Variants in TNS3 observed in about 807,000 individuals in gnomAD.
TNS3 encodes tensin-3.
A neutral mutation model predicts 140.9 loss-of-function variants in TNS3; 45 were observed. That is an observed-to-expected ratio of 0.32 (90% CI 0.25 to 0.41). The LOEUF is 0.41. Ranked by LOEUF, TNS3 falls within the 10% of genes least tolerant of loss-of-function variation. TNS3 has a pLI of 1.00. For synonymous variants in TNS3, 815 were observed against 788.4 expected (o/e 1.03, Z -0.56); for missense variants, 1,716 against 1,906.7 (o/e 0.90, Z 1.86).
rs1787896769 is a variant in TNS3, at chr7:47,324,063, C to A, written c.2651-19060G>T. ...CCATTAACCTTTTCTACCTGGCAAA[C>A]CTCAGCTCTATTTATGAGGCAGCTC... On this transcript the variant is annotated intron_variant, in intron 20 of 30. Transcript: ENST00000311160. Among the ~76,000 whole-genome samples, 3 of 152,190 alleles carry A rather than the reference C, an allele frequency of 2.0e-5. 1 individual carries two copies. The South Asian group carries it at 6.2e-4, about 31-fold the overall frequency.
chr7:47,421,968 G>T (rs777201744), intron 10 of TNS3, among the ~76,000 whole-genome samples: 2 of 152,054 alleles, frequency 1.3e-5, no homozygotes, highest in African/African-American at 4.8e-5. Context: ...AGCCTGCAGC[G>T]CACCCATCCC....
intron 16 of TNS3, among the ~76,000 whole-genome samples, chr7:47,386,325 C>T (rs1217460651): frequency 6.6e-6 from 1 of 152,214 alleles, no homozygotes; most frequent in African/African-American, 2.4e-5. Context: ...GCTGGGGACG[C>T]CCTCCTCCTG....
At chr7:47,469,687 G>A (rs1016029331) in intron 4 of TNS3, among the ~76,000 whole-genome samples, 3 of 152,150 alleles carry the variant, frequency 2.0e-5, no homozygotes, top group Non-Finnish European at 2.9e-5. Context: ...AGAAAATGTG[G>A]TATAGGCTGG....
At chr7:47,539,251 CAA>C in intron 1 of TNS3, 1 of 402,534 alleles carries the variant, frequency 2.5e-6, no homozygotes, top group South Asian at 1.8e-5. Flanking sequence ...GAGTGGAAGG[CAA>C]ATGGTTGAAG....
At chr7:47,395,185 G>A (rs1484526471) in intron 16 of TNS3, among the ~76,000 whole-genome samples, 1 of 151,992 alleles carries the variant, frequency 6.6e-6, no homozygotes, top group Non-Finnish European at 1.5e-5. Flanking sequence ...CATGAGACTC[G>A]GCACAGCCAC....
At chr7:47,405,499 A>G (rs1327899448) in intron 13 of TNS3, 2 of 703,034 alleles carry the variant, frequency 2.8e-6, no homozygotes, top group South Asian at 3.0e-5. Flanking sequence ...AACACTAACC[A>G]TGATTTCTTC....
rs117765541 is a variant in TNS3 at position 47,528,211 on chromosome 7, C to G, written c.-153+825G>C. ...CCTTAGAGGCCCCTGGTCACATCCT[C>G]AACCCATTAAGGTTTGACTGCGTGC... is the stretch of plus-strand genomic sequence containing the variant. On this transcript the variant is annotated intron_variant, in intron 2 of 30. Transcript: ENST00000311160. Among the ~76,000 whole-genome samples, 23 of 152,306 alleles carry G rather than the reference C, an allele frequency of 1.5e-4. 1 individual carries two copies. In the East Asian group the frequency reaches 2.5e-3, roughly 17 times the overall value.
intron 17 of TNS3, among the ~76,000 whole-genome samples, chr7:47,353,992 AACACAC>A (rs10598998): frequency 0.062 from 8,925 of 143,178 alleles, 325 homozygotes; most frequent in East Asian, 0.2. Context: ...CAGAGGACAA[AACACAC>A]ACACACACAC....
chr7:47,509,802 G>A (rs1052454500), intron 2 of TNS3, among the ~76,000 whole-genome samples: 4 of 151,928 alleles, frequency 2.6e-5, no homozygotes, highest in Non-Finnish European at 5.9e-5. Flanking sequence ...AGCTGCCTCC[G>A]TTCCTGAGTT....
Position 47,280,285 on chromosome 7 carries a change from C to G in TNS3, c.4166+1G>C. 1 of 1,614,148 alleles carries G rather than the reference C, an allele frequency of 6.2e-7. No homozygotes were observed. On this transcript the variant is annotated splice_donor_variant, in intron 29 of 30. Coordinates refer to ENST00000311160, the MANE Select transcript of TNS3 (RefSeq NM_022748.12). LOFTEE classifies it high-confidence loss of function. ...GCTCAATAAAAATGCAAATTTCTTACTTCCTGTCTTGTGGGTCCAAGGCAC... is the reference window on the plus strand; with the variant it reads ...GCTCAATAAAAATGCAAATTTCTTAGTTCCTGTCTTGTGGGTCCAAGGCAC...
At chr7:47,526,712 A>G (rs1000976470) in intron 2 of TNS3, among the ~76,000 whole-genome samples, 27 of 152,190 alleles carry the variant, frequency 1.8e-4, no homozygotes, top group African/African-American at 6.3e-4. Context: ...AGCCGAGAAC[A>G]AGCCCAGGTG....
intron 30 of TNS3, 199 bp from the exon 31 acceptor site, chr7:47,278,419 A>C (rs1784971093): frequency 1.7e-6 from 1 of 603,374 alleles, no homozygotes; most frequent in African/African-American, 1.9e-5. Flanking sequence ...GGGATGTCTG[A>C]CTCTAGCTCT....
intron 20 of TNS3, among the ~76,000 whole-genome samples, chr7:47,322,290 G>A (rs1335358011): frequency 6.6e-6 from 1 of 150,404 alleles, no homozygotes; most frequent in African/African-American, 2.4e-5. Context: ...TTGGGAGACT[G>A]ACGCAGGCGG....
intron 3 of TNS3, 49 bp from the exon 4 acceptor site, chr7:47,481,190 A>G (rs1035750579): frequency 1.6e-6 from 2 of 1,270,278 alleles, no homozygotes; most frequent in African/African-American, 3.1e-5. Flanking sequence ...TCCAGGAAAA[A>G]ATTAGCATAA....
chr7:47,570,783 A>G (rs1050091738), intron 1 of TNS3, among the ~76,000 whole-genome samples: 9 of 152,144 alleles, frequency 5.9e-5, no homozygotes, highest in Non-Finnish European at 1.0e-4. Flanking sequence ...ACACGTAGCT[A>G]ACTCTAAGCT....
intron 20 of TNS3, among the ~76,000 whole-genome samples, chr7:47,326,759 T>C (rs571434822): frequency 6.6e-6 from 1 of 152,232 alleles, no homozygotes; most frequent in East Asian, 1.9e-4. Context: ...CTAATGTATA[T>C]AAAATACATT....
intron 1 of TNS3, among the ~76,000 whole-genome samples, chr7:47,562,501 C>T (rs554832689): frequency 6.6e-6 from 1 of 152,018 alleles, no homozygotes; most frequent in South Asian, 2.1e-4. Context: ...ATTCTCCTGT[C>T]GCAGCCTCCC....
At chr7:47,500,560 C>T (rs958065969) in intron 3 of TNS3, among the ~76,000 whole-genome samples, 8 of 152,194 alleles carry the variant, frequency 5.3e-5, no homozygotes, top group African/African-American at 1.2e-4. Flanking sequence ...CCCTCAACAG[C>T]GCTGACTGAG....
chr7:47,389,056 A>AGTG (rs1792288762), intron 16 of TNS3, among the ~76,000 whole-genome samples: 2 of 46,232 alleles, frequency 4.3e-5, no homozygotes, highest in African/African-American at 1.7e-4. Flanking sequence ...AAGAAGAAGA[A>AGTG]GAAGAAGAAG....
Sources: allele counts gnomAD v4.1 joint callset (sites outside exome capture counted in the v4.1 genomes callset), GRCh38; gene constraint gnomAD v4.1.1; transcripts MANE v1.5; gene names NCBI Gene and HGNC (gene_info 2026-07-23, HGNC 2026-07-21).